Variants in FSHR observed in about 807,000 individuals in gnomAD.
FSHR encodes the protein follicle-stimulating hormone receptor.
A neutral mutation model predicts 52.1 loss-of-function variants in FSHR; 46 were observed. The ratio of observed to expected loss-of-function variants is 0.88; its 90% CI spans 0.70 to 1.13. The LOEUF (loss-of-function observed/expected upper bound fraction) is 1.13. Ranked by LOEUF, FSHR falls within the 50% of genes most tolerant of loss-of-function variation. The pLI, the probability that FSHR is intolerant of heterozygous loss-of-function variation, is 0.00. For missense variants in FSHR, 964 were observed against 834.6 expected (o/e 1.16, Z -1.91); for synonymous variants, 399 against 309.6 (o/e 1.29, Z -3.03).
intron 1 of FSHR, among the ~76,000 whole-genome samples, chr2:49,075,035 A>G (rs916143382): frequency 6.6e-6 from 1 of 152,106 alleles, no homozygotes; most frequent in Non-Finnish European, 1.5e-5. Flanking sequence ...AGAGGCTGGG[A>G]AGGGTATGGG....
intron 2 of FSHR, among the ~76,000 whole-genome samples, chr2:49,035,060 T>A (rs1180061296): frequency 6.6e-6 from 1 of 152,198 alleles, no homozygotes; most frequent in African/African-American, 2.4e-5. Flanking sequence ...CTACCCAGTG[T>A]CACATTCGAC....
chr2:49,132,968 T>TAA lies in FSHR; in HGVS notation c.152+21296_152+21297dup, dbSNP rs34913428. 7.0e-4 allele frequency among the ~76,000 whole-genome samples: 34 copies of TAA among 48,652 alleles called. 1 individual carries two copies. The highest frequency in any genetic ancestry group is 2.5e-3 in the African/African-American group (30 of 11,780). 31.9% of individuals were successfully genotyped at this position (48,652 alleles called of 152,430 possible). A position where few individuals can be genotyped will look rare whatever the true frequency, so the allele number is the denominator to read the frequency against. ...TTCAAGAACATTTATTAAAACTCAG[T>TAA]AAAAAAAAAAAAAAAAAAAAAAAAA... is the stretch of plus-strand genomic sequence containing the variant. On this transcript the variant is annotated intron_variant, in intron 1 of 9. Transcript: ENST00000406846.
intron 1 of FSHR, among the ~76,000 whole-genome samples, chr2:49,089,774 AT>A (rs1326838807): frequency 6.6e-6 from 1 of 152,202 alleles, no homozygotes; most frequent in Non-Finnish European, 1.5e-5. Context: ...AAAAATAAAT[AT>A]TCCTGTTAAA....
At chr2:49,011,174 A>C (rs1249376939) in intron 4 of FSHR, among the ~76,000 whole-genome samples, 6 of 151,052 alleles carry the variant, frequency 4.0e-5, no homozygotes, top group African/African-American at 1.5e-4. Flanking sequence ...TTAGTGCTAT[A>C]AATTTCCCTC....
At chr2:49,141,081 T>C (rs1413382018) in intron 1 of FSHR, among the ~76,000 whole-genome samples, 2 of 152,210 alleles carry the variant, frequency 1.3e-5, no homozygotes, top group Non-Finnish European at 2.9e-5. Flanking sequence ...GCATACATAT[T>C]GCTCAAACAG....
At chr2:49,131,369 T>A (rs1426155914) in intron 1 of FSHR, among the ~76,000 whole-genome samples, 1 of 152,184 alleles carries the variant, frequency 6.6e-6, no homozygotes, top group East Asian at 1.9e-4. Flanking sequence ...AAACATAGGA[T>A]GTTGAATCCA....
intron 1 of FSHR, among the ~76,000 whole-genome samples, chr2:49,079,206 C>G (rs1572714955): frequency 6.6e-6 from 1 of 151,782 alleles, no homozygotes. Context: ...GAGAAGTAAT[C>G]AAATACTTAA....
rs574005097 is a variant in FSHR at position 49,072,794 on chromosome 2, G to A, written c.153-4504C>T. ...TTTACTAAAATGGTTTCATGGACTC[G>A]ATTTATAATTTCAACACTGAAAATG... On this transcript the variant is annotated intron_variant, in intron 1 of 9. Transcript: ENST00000406846. Among the ~76,000 whole-genome samples the A allele has an allele frequency of 5.3e-5, 8 of 151,884 alleles. 1 individual carries two copies. Among genetic ancestry groups the A allele is most frequent in the South Asian group, 4.1e-4 (2 of 4,828 alleles).
In FSHR at chr2:49,111,381, T is replaced by A. The variant is rs146914924; in HGVS notation, c.152+42885A>T. 3.3e-5 allele frequency among the ~76,000 whole-genome samples: 5 copies of A among 152,286 alleles called. No individual in the cohort carries two copies. In the East Asian group the frequency reaches 9.7e-4, roughly 29 times the overall value. On this transcript the variant is annotated intron_variant, in intron 1 of 9. Transcript: ENST00000406846. ...TTTCGCCTTTAAAATGCTTTTGGTCTTTGAATTCAGACCGATTATAGTTTT... is the reference window on the plus strand; with the variant it reads ...TTTCGCCTTTAAAATGCTTTTGGTCATTGAATTCAGACCGATTATAGTTTT...
chr2:49,124,490 C>G (rs899849054), intron 1 of FSHR, among the ~76,000 whole-genome samples: 1 of 151,950 alleles, frequency 6.6e-6, no homozygotes, highest in African/African-American at 2.4e-5. Context: ...ATCTCATGAT[C>G]TTCATCCTCC....
chr2:48,971,953 C>G (rs1042456966), intron 8 of FSHR, among the ~76,000 whole-genome samples: 2 of 152,192 alleles, frequency 1.3e-5, no homozygotes, highest in African/African-American at 2.4e-5. Context: ...TTCACTTACT[C>G]TGCAGATAAG....
At chr2:49,088,167 C>T (rs544538372) in intron 1 of FSHR, among the ~76,000 whole-genome samples, 2 of 152,114 alleles carry the variant, frequency 1.3e-5, no homozygotes, top group African/African-American at 2.4e-5. Context: ...AAAGCCCATG[C>T]GCACAAGTCT....
intron 4 of FSHR, chr2:49,014,975 A>C (rs1667426949): frequency 4.4e-6 from 2 of 454,770 alleles, no homozygotes; most frequent in South Asian, 3.3e-5. Context: ...AGTTGGGAGA[A>C]AGGAAGAAAG....
At chr2:49,012,964 A>G (rs1558388923) in intron 4 of FSHR, among the ~76,000 whole-genome samples, 1 of 152,118 alleles carries the variant, frequency 6.6e-6, no homozygotes, top group Non-Finnish European at 1.5e-5. Flanking sequence ...CTGGTAGGTA[A>G]TTAAGGTTAA....
chr2:49,114,784 A>C (rs908595490), intron 1 of FSHR, among the ~76,000 whole-genome samples: 1 of 152,038 alleles, frequency 6.6e-6, no homozygotes, highest in Non-Finnish European at 1.5e-5. Context: ...AATTCAAATA[A>C]AGCAGAAATT....
intron 2 of FSHR, among the ~76,000 whole-genome samples, chr2:49,021,107 AATAAT>A (rs1667679857): frequency 6.6e-6 from 1 of 152,312 alleles, no homozygotes; most frequent in African/African-American, 2.4e-5. Context: ...AATTAAGAAA[AATAAT>A]AAAATAAAAC....
intron 1 of FSHR, among the ~76,000 whole-genome samples, chr2:49,073,103 T>A (rs1447944705): frequency 6.6e-6 from 1 of 152,098 alleles, no homozygotes; most frequent in Non-Finnish European, 1.5e-5. Context: ...TGCATCACAA[T>A]TAACATCTTA....
At chr2:49,021,886 T>TATATATATATATATATATATAAAG (rs1273265515) in intron 2 of FSHR, among the ~76,000 whole-genome samples, 4 of 25,124 alleles carry the variant, frequency 1.6e-4, no homozygotes, top group African/African-American at 5.9e-4. Flanking sequence ...TATATATATA[T>TATATATATATATATATATATAAAG]AGAGAGAGAG....
chr2:48,980,697 C>A (rs1675207335), intron 8 of FSHR, among the ~76,000 whole-genome samples: 1 of 152,134 alleles, frequency 6.6e-6, no homozygotes, highest in Admixed American at 6.6e-5. Flanking sequence ...GTATTTATGG[C>A]AACATGGTAT....
Sources: allele counts gnomAD v4.1 joint callset (sites outside exome capture counted in the v4.1 genomes callset), GRCh38; gene constraint gnomAD v4.1.1; transcripts MANE v1.5; gene names NCBI Gene and HGNC (gene_info 2026-07-23, HGNC 2026-07-21).